The following ARID1B variants were observed in gnomAD, a reference collection of about 807,000 sequenced individuals.
ARID1B encodes AT-rich interaction domain 1B, also known as AT-rich interactive domain-containing protein 1B.
ARID1B carries 30 observed loss-of-function variants against 212.3 expected under a neutral mutation model. That is an observed-to-expected ratio of 0.14 (90% CI 0.11 to 0.19). The LOEUF is 0.19. Among genes scored for constraint, ARID1B ranks in the 10% least tolerant of loss-of-function variants. The pLI, the probability that ARID1B is intolerant of heterozygous loss-of-function variation, is 1.00. For missense variants in ARID1B, 2,891 were observed against 3,204.0 expected (o/e 0.90, Z 2.36); for synonymous variants, 1,402 against 1,301.7 (o/e 1.08, Z -1.66).
intron 4 of ARID1B, among the ~76,000 whole-genome samples, chr6:156,963,531 T>C (rs925278557): frequency 1.3e-5 from 2 of 152,226 alleles, no homozygotes; most frequent in African/African-American, 4.8e-5. Flanking sequence ...TAAGAAAATA[T>C]TAAAGAATCT....
chr6:157,129,292 A>G (rs1236793370), intron 6 of ARID1B, among the ~76,000 whole-genome samples: 1 of 152,214 alleles, frequency 6.6e-6, no homozygotes, highest in African/African-American at 2.4e-5. Flanking sequence ...ATTTATTTAC[A>G]TATCTGTCTC....
chr6:156,828,977 C>T (rs551424913), intron 1 of ARID1B, among the ~76,000 whole-genome samples: 3 of 152,228 alleles, frequency 2.0e-5, no homozygotes, highest in Admixed American at 2.0e-4. Context: ...GGTCCAAAAT[C>T]GTTTTTAGTT....
intron 4 of ARID1B, among the ~76,000 whole-genome samples, chr6:156,990,757 G>A (rs926874665): frequency 6.6e-6 from 1 of 152,174 alleles, no homozygotes; most frequent in African/African-American, 2.4e-5. Flanking sequence ...CTCCCAAAGT[G>A]CTAAGATTAC....
At chr6:157,054,894 G>A (rs1407583389) in intron 4 of ARID1B, among the ~76,000 whole-genome samples, 3 of 152,216 alleles carry the variant, frequency 2.0e-5, no homozygotes, top group Non-Finnish European at 2.9e-5. Context: ...CTGCAGCAGC[G>A]TTTCACTAGC....
At chr6:156,871,357 A>G (rs1046795945) in intron 2 of ARID1B, among the ~76,000 whole-genome samples, 3 of 152,160 alleles carry the variant, frequency 2.0e-5, no homozygotes, top group African/African-American at 7.2e-5. Context: ...CACCCCATGG[A>G]ATGTTCTTGT....
At chr6:157,080,461 A>G (rs1216711876) in intron 4 of ARID1B, among the ~76,000 whole-genome samples, 1 of 152,200 alleles carries the variant, frequency 6.6e-6, no homozygotes, top group Non-Finnish European at 1.5e-5. Context: ...AGGATCATGT[A>G]CAATCTGTAG....
chr6:157,136,901 A>T (rs1369259315), intron 7 of ARID1B, among the ~76,000 whole-genome samples: 1 of 150,922 alleles, frequency 6.6e-6, no homozygotes, highest in South Asian at 2.1e-4. Flanking sequence ...TAAAGAGATT[A>T]AGAATGTTGC....
chr6:157,202,475 C>T (rs1486138417), intron 18 of ARID1B, among the ~76,000 whole-genome samples: 2 of 152,022 alleles, frequency 1.3e-5, no homozygotes, highest in African/African-American at 4.8e-5. Flanking sequence ...CACTTGAACT[C>T]AGGAATTCGA....
At chr6:156,904,168 A>G (rs956974713) in intron 3 of ARID1B, among the ~76,000 whole-genome samples, 3 of 152,222 alleles carry the variant, frequency 2.0e-5, no homozygotes, top group African/African-American at 7.2e-5. Flanking sequence ...AAGAAGCACA[A>G]TACCATACTT....
rs773119970 is a variant in ARID1B, at chr6:157,198,867, C to T, written c.4439C>T (p.Pro1480Leu). The T allele has an allele frequency of 6.2e-6, 10 of 1,611,204 alleles. No individual in the cohort carries two copies. Among genetic ancestry groups the T allele is most frequent in the East Asian group, 2.2e-5 (1 of 44,830 alleles). The change falls in exon 17 of 20, where the codon CCG becomes CTG. Residue 1480 changes from proline (P) to leucine (L), a missense_variant. Transcript: ENST00000636930. The part of the protein sequence containing the change: ...PGQGPPSGQP[P>L]YGGHQPGLYP... ...CAAGGCCCTCCCTCGGGACAGCCGCCGTATGGAGGGCACCAGCCCGGCCTG... is the reference window on the plus strand; with the variant it reads ...CAAGGCCCTCCCTCGGGACAGCCGCTGTATGGAGGGCACCAGCCCGGCCTG...
In ARID1B at chr6:157,015,910, A is replaced by G. The variant is rs538179079; in HGVS notation, c.2248-68752A>G. 2.0e-5 allele frequency among the ~76,000 whole-genome samples: 3 copies of G among 152,344 alleles called. No individual in the cohort carries two copies. The East Asian group carries it at 5.8e-4, about 29-fold the overall frequency. ...GCTGTGATGTGAATCCTGCATCTTCATTGCCTTCAAGACAGCAAAAATTAG... is the reference window on the plus strand; with the variant it reads ...GCTGTGATGTGAATCCTGCATCTTCGTTGCCTTCAAGACAGCAAAAATTAG... On this transcript the variant is annotated intron_variant, in intron 4 of 19. Coordinates refer to ENST00000636930, the MANE Select transcript of ARID1B (RefSeq NM_001374828.1).
intron 4 of ARID1B, chr6:156,937,128 A>G (rs1792307265): frequency 6.6e-6 from 1 of 151,670 alleles, no homozygotes; most frequent in South Asian, 2.1e-4. Flanking sequence ...GGAAATAGGT[A>G]ATGGATTTTG....
chr6:157,046,257 C>T (rs1012861779), intron 4 of ARID1B, among the ~76,000 whole-genome samples: 4 of 152,196 alleles, frequency 2.6e-5, no homozygotes, highest in Middle Eastern at 3.4e-3. Flanking sequence ...TCAGAAAAGA[C>T]AAGACTGTGA....
At chr6:156,967,650 G>A (rs941577943) in intron 4 of ARID1B, among the ~76,000 whole-genome samples, 2 of 152,008 alleles carry the variant, frequency 1.3e-5, no homozygotes, top group Non-Finnish European at 2.9e-5. Flanking sequence ...ATCTGTTATG[G>A]TTTACCTTAT....
At chr6:156,987,985 G>A (rs905708432) in intron 4 of ARID1B, among the ~76,000 whole-genome samples, 1 of 152,102 alleles carries the variant, frequency 6.6e-6, no homozygotes, top group African/African-American at 2.4e-5. Flanking sequence ...GTGATGTTGG[G>A]GATAATGGAA....
chr6:156,988,313 A>G (rs1778061626), intron 4 of ARID1B, among the ~76,000 whole-genome samples: 2 of 152,344 alleles, frequency 1.3e-5, no homozygotes, highest in South Asian at 4.1e-4. Flanking sequence ...GGTGTTTCAA[A>G]GGAACACTTC....
chr6:157,135,104 A>G (rs1250437834), intron 7 of ARID1B, among the ~76,000 whole-genome samples: 1 of 147,154 alleles, frequency 6.8e-6, no homozygotes, highest in Non-Finnish European at 1.5e-5. Flanking sequence ...TTTTTTTTTT[A>G]CTAAATCCCT....
chr6:156,946,064 G>A (rs576160694), intron 4 of ARID1B, among the ~76,000 whole-genome samples: 202 of 151,926 alleles, frequency 1.3e-3, no homozygotes, highest in African/African-American at 4.6e-3. Context: ...GCTAGTAAAA[G>A]AAGAATAATG....
intron 1 of ARID1B, among the ~76,000 whole-genome samples, chr6:156,807,337 C>T (rs1247401482): frequency 3.9e-5 from 6 of 151,992 alleles, no homozygotes; most frequent in Admixed American, 3.9e-4. Context: ...TCAGGGTTCT[C>T]TGTTGTGTTT....
Sources: allele counts gnomAD v4.1 joint callset (sites outside exome capture counted in the v4.1 genomes callset), GRCh38; gene constraint gnomAD v4.1.1; transcripts MANE v1.5; gene names NCBI Gene and HGNC (gene_info 2026-07-23, HGNC 2026-07-21).